Variants in LTBP1 observed in about 807,000 individuals in gnomAD.
LTBP1 encodes latent-transforming growth factor beta-binding protein 1.
In LTBP1, 129 loss-of-function variants were observed where a neutral mutation model predicts 207.6. That is an observed-to-expected ratio of 0.62 (90% confidence interval 0.54 to 0.72). LTBP1 has a LOEUF of 0.72. Ranked by LOEUF, LTBP1 falls within the 30% of genes least tolerant of loss-of-function variation. The pLI, the probability that LTBP1 is intolerant of heterozygous loss-of-function variation, is 0.00. For missense variants in LTBP1, 2,281 were observed against 2,217.2 expected (o/e 1.03, Z -0.58); for synonymous variants, 963 against 833.7 (o/e 1.16, Z -2.67).
intron 3 of LTBP1, among the ~76,000 whole-genome samples, chr2:33,098,517 C>G (rs1478039026): frequency 6.6e-6 from 1 of 152,136 alleles, no homozygotes; most frequent in Admixed American, 6.5e-5. Flanking sequence ...ACTGCAACTT[C>G]TGCCTCCTGA....
At position 33,134,901 on chromosome 2, in the gene LTBP1, C is replaced by G; in HGVS notation, c.1142C>G (p.Thr381Ser). 1 of 1,613,700 alleles carries G rather than the reference C, an allele frequency of 6.2e-7. No homozygotes were observed. The highest frequency in any genetic ancestry group is 8.5e-7 in the Non-Finnish European group (1 of 1,179,658). ...QNSCEKGNTTTLISENGHAAD... is the reference protein window; with the variant it reads ...QNSCEKGNTTSLISENGHAAD... ...AGCTGTGAGAAGGGGAACACCACCA[C>G]TCTCATTAGTGAGAATGGTCATGCT... The change falls in exon 5 of 34, where the codon ACT (threonine) becomes AGT (serine). Residue 381 changes from threonine (T) to serine (S), a missense_variant. Around this residue, in one of 3 missense-constraint regions of LTBP1, gnomAD observed 55 missense variants for 91.5 expected, o/e 0.60. Transcript: ENST00000404816. The surrounding 1 kb of genome is among the most constrained non-coding windows in gnomAD (Gnocchi z 4.4).
intron 26 of LTBP1, among the ~76,000 whole-genome samples, chr2:33,350,848 CT>C (rs2094771749): frequency 6.6e-6 from 1 of 152,242 alleles, no homozygotes; most frequent in African/African-American, 2.4e-5. Flanking sequence ...AATATTTAAT[CT>C]TGGCAACTGC....
chr2:33,200,693 T>C (rs1416084564), intron 7 of LTBP1, among the ~76,000 whole-genome samples: 2 of 152,090 alleles, frequency 1.3e-5, no homozygotes, highest in African/African-American at 4.8e-5. Context: ...ACAGGCAACC[T>C]ACAAAATGGG....
In LTBP1 at chr2:33,311,861, A is replaced by G. The variant is rs114852922; in HGVS notation, c.3604+2305A>G. ...ACATAGAGAGTTTTATTGACTATCAATCATTATTAAATTGACTTCGTTCTC... is the reference window on the plus strand; with the variant it reads ...ACATAGAGAGTTTTATTGACTATCAGTCATTATTAAATTGACTTCGTTCTC... On this transcript the variant is annotated intron_variant, in intron 23 of 33. Coordinates refer to ENST00000404816, the MANE Select transcript of LTBP1 (RefSeq NM_206943.4). 6.7e-3 allele frequency among the ~76,000 whole-genome samples: 1,016 copies of G among 152,318 alleles called. 2 individuals are homozygous for G. The highest frequency in any genetic ancestry group is 0.011 in the Non-Finnish European group (747 of 68,006).
At chr2:33,297,414 T>C (rs1237886700) in intron 20 of LTBP1, among the ~76,000 whole-genome samples, 3 of 146,798 alleles carry the variant, frequency 2.0e-5, no homozygotes, top group African/African-American at 7.4e-5. Context: ...TTTATTTATT[T>C]ATTTATTTAT....
intron 7 of LTBP1, among the ~76,000 whole-genome samples, chr2:33,195,352 T>C (rs2088427659): frequency 6.6e-6 from 1 of 152,200 alleles, no homozygotes; most frequent in South Asian, 2.1e-4. Context: ...GAAACATTCA[T>C]GATACATGGG....
intron 3 of LTBP1, among the ~76,000 whole-genome samples, chr2:33,051,658 T>C (rs1432220275): frequency 1.3e-5 from 2 of 152,196 alleles, no homozygotes; most frequent in African/African-American, 2.4e-5. Flanking sequence ...AGGCTGCTCT[T>C]GGGTTCCCAG....
chr2:32,959,978 G>A (rs1678824694), intron 2 of LTBP1, among the ~76,000 whole-genome samples: 1 of 151,954 alleles, frequency 6.6e-6, no homozygotes, highest in Non-Finnish European at 1.5e-5. Context: ...TGCATTTCAT[G>A]TTCACACCAT....
chr2:33,179,950 C>G (rs1371310617), intron 5 of LTBP1, among the ~76,000 whole-genome samples: 1 of 152,170 alleles, frequency 6.6e-6, no homozygotes, highest in Non-Finnish European at 1.5e-5. Flanking sequence ...CAGCTTGTCT[C>G]CCTTTCTCCC....
At chr2:33,147,080 C>A (rs1415065240) in intron 5 of LTBP1, among the ~76,000 whole-genome samples, 1 of 152,170 alleles carries the variant, frequency 6.6e-6, no homozygotes, top group East Asian at 1.9e-4. Context: ...ACTTCAAATG[C>A]CTGCCTTCTT....
At chr2:33,171,675 T>G (rs1332556147) in intron 5 of LTBP1, among the ~76,000 whole-genome samples, 8 of 151,800 alleles carry the variant, frequency 5.3e-5, no homozygotes, top group East Asian at 3.9e-4. Context: ...AGATACTCCT[T>G]GAGAAGAGCA....
chr2:33,221,373 A>T (rs1292506890), intron 8 of LTBP1, among the ~76,000 whole-genome samples: 1 of 152,238 alleles, frequency 6.6e-6, no homozygotes, highest in Non-Finnish European at 1.5e-5. Flanking sequence ...GCCACATCCC[A>T]GAACTTTGGC....
At chr2:32,948,226 G>T (rs1558422463) in intron 1 of LTBP1, among the ~76,000 whole-genome samples, 2 of 152,192 alleles carry the variant, frequency 1.3e-5, no homozygotes, top group African/African-American at 2.4e-5. Context: ...TTTCGAGGGC[G>T]GGCTAGCCGT....
chr2:33,253,916 G>A (rs1452510899), intron 11 of LTBP1, among the ~76,000 whole-genome samples: 1 of 126,886 alleles, frequency 7.9e-6, no homozygotes, highest in Non-Finnish European at 1.6e-5. Flanking sequence ...TTGAGATGGA[G>A]TCTCGCTTTG....
chr2:33,348,833 A>C (rs2094739954), intron 26 of LTBP1, among the ~76,000 whole-genome samples: 1 of 152,206 alleles, frequency 6.6e-6, no homozygotes, highest in Non-Finnish European at 1.5e-5. Context: ...ATAAAAAGGT[A>C]ATTGTTGGAC....
intron 2 of LTBP1, among the ~76,000 whole-genome samples, chr2:32,992,400 A>G (rs1684554409): frequency 6.6e-6 from 1 of 152,162 alleles, no homozygotes. Context: ...CCAGGAAGAA[A>G]CCAGTGTGGA....
At chr2:33,172,593 A>G (rs1024079215) in intron 5 of LTBP1, among the ~76,000 whole-genome samples, 4 of 152,212 alleles carry the variant, frequency 2.6e-5, no homozygotes, top group South Asian at 2.1e-4. Context: ...TAGACAGATC[A>G]GCGAGACAGA....
At chr2:33,227,389 G>A (rs762297850) in intron 9 of LTBP1, among the ~76,000 whole-genome samples, 9 of 152,072 alleles carry the variant, frequency 5.9e-5, no homozygotes, top group Non-Finnish European at 7.4e-5. Context: ...CTGATAGACC[G>A]TTTGTATTAT....
At chr2:33,397,674 ATT>A (rs71409616) in intron 33 of LTBP1, among the ~76,000 whole-genome samples, 49,860 of 117,276 alleles carry the variant, frequency 0.43, 9,104 homozygotes, top group Middle Eastern at 0.59. Context: ...CACCCGGCTA[ATT>A]TTTTTTTTTT....
Sources: gnomAD v4.1 joint callset for allele counts (sites outside exome capture counted in the v4.1 genomes callset) on GRCh38, gnomAD v4.1.1 for gene constraint, gnomAD v4.1.1 regional missense constraint, Gnocchi (gnomAD v3.1) non-coding constraint, MANE v1.5 for transcripts, NCBI Gene and HGNC (gene_info 2026-07-23, HGNC 2026-07-21) for gene names.